The following TULP2 variants were observed in gnomAD, a reference collection of about 807,000 sequenced individuals.
TULP2 encodes TUB like protein 2, also known as tubby-related protein 2.
In TULP2, 64 loss-of-function variants were observed where a neutral mutation model predicts 60.3. That is an observed-to-expected ratio of 1.06 (90% CI 0.87 to 1.31). The LOEUF is 1.31. Among genes scored for constraint, TULP2 ranks in the 50% most tolerant of loss-of-function variants. TULP2 has a pLI of 0.00. For missense variants in TULP2, 652 were observed against 667.0 expected (o/e 0.98, Z 0.25); for synonymous variants, 267 against 265.4 (o/e 1.01, Z -0.06).
chr19:48,895,103 C>CCAGACA lies in TULP2; in HGVS notation c.408_409insTGTCTG (p.Asp136_Ala137insCysLeu). ...TCCACGGAGACTTCCTCCAATTCTG[C>CCAGACA]ATCGGAATTGTCTGGGAGCCAGGAT... On this transcript the variant is annotated inframe_insertion, in exon 6 of 13. Coordinates refer to ENST00000221399, the MANE Select transcript of TULP2 (RefSeq NM_003323.3). 1 of 1,614,098 alleles carries CCAGACA rather than the reference C, an allele frequency of 6.2e-7. No homozygotes were observed. The highest frequency in any genetic ancestry group is 8.5e-7 in the Non-Finnish European group (1 of 1,180,004).
In TULP2 at chr19:48,887,947, C is replaced by T. The variant is rs752393532; in HGVS notation, c.948+3G>A. On this transcript the variant is annotated splice_donor_region_variant and intron_variant, in intron 8 of 12. Transcript: ENST00000221399. The stretch of plus-strand genomic sequence containing the variant: ...CCAAAGCTGTTGGGCTGGCTTACTG[C>T]ACCTGCAGGCTGTCAGAGGTCTCCA... 6.0e-5 allele frequency: 97 copies of T among 1,605,810 alleles called. No homozygotes were observed. The highest frequency in any genetic ancestry group is 8.0e-5 in the Non-Finnish European group (94 of 1,173,530).
At chr19:48,894,788 G>A (rs1377405552) in intron 6 of TULP2, among the ~76,000 whole-genome samples, 3 of 152,136 alleles carry the variant, frequency 2.0e-5, no homozygotes, top group African/African-American at 4.8e-5. Flanking sequence ...TGGCGTCTGC[G>A]GATCTTGGTA....
At chr19:48,887,910 G>A (rs1015034501) in intron 8 of TULP2, 40 bp downstream of exon 8, 2 of 1,580,370 alleles carry the variant, frequency 1.3e-6, no homozygotes, top group Non-Finnish European at 1.7e-6. Context: ...CCTGGGAGGT[G>A]GGGGCTTACT....
chr19:48,888,094 C>T lies in TULP2; in HGVS notation c.804G>A (p.Leu268=). The T allele has an allele frequency of 6.2e-7, 1 of 1,614,198 alleles. No individual in the cohort carries two copies. The highest frequency in any genetic ancestry group is 2.2e-5 in the East Asian group (1 of 44,884). ...GCACGTAGGCTTCCATGTCCTCCTC[C>T]AGCCCAGGGCAGGGGGAGCGGATTG... is the stretch of plus-strand genomic sequence containing the variant. The part of the protein sequence containing the change: ...SLAIRSPCPG[L]EEDMEAYVLR... The change falls in exon 8 of 13, where the codon CTG becomes CTA. Residue 268 remains leucine (L), a synonymous_variant. Transcript: ENST00000221399.
At chr19:48,895,218 T>C in intron 5 of TULP2, 56 bp from the exon 6 acceptor site, 1 of 1,590,176 alleles carries the variant, frequency 6.3e-7, no homozygotes, top group Non-Finnish European at 8.6e-7. Context: ...AGGAGGCGGC[T>C]CAGGACCTGA....
At position 48,883,239 on chromosome 19, in the gene TULP2, A is replaced by G. The variant is rs138839016; in HGVS notation, c.1275+515T>C. ...GTCTCAAAAAAAAAAAAAAAGAAAG[A>G]AAGAGAGAGTCTAAAAGAAGCAGGA... is the stretch of plus-strand genomic sequence containing the variant. On this transcript the variant is annotated intron_variant, in intron 11 of 12. Coordinates refer to ENST00000221399, the MANE Select transcript of TULP2 (RefSeq NM_003323.3). Among the ~76,000 whole-genome samples the G allele has an allele frequency of 4.6e-3, 697 of 151,604 alleles. 5 individuals are homozygous for G. The highest frequency in any genetic ancestry group is 0.016 in the African/African-American group (647 of 41,236).
At chr19:48,886,847 G>A (rs2037183801) in intron 8 of TULP2, among the ~76,000 whole-genome samples, 8 of 151,584 alleles carry the variant, frequency 5.3e-5, no homozygotes. Flanking sequence ...AAGTAGCTGG[G>A]ACTACAGGTG....
At chr19:48,893,852 C>T (rs1249282341) in intron 6 of TULP2, among the ~76,000 whole-genome samples, 1 of 152,062 alleles carries the variant, frequency 6.6e-6, no homozygotes, top group African/African-American at 2.4e-5. Context: ...CCGCGCCCAG[C>T]CATGATGCAG....
In TULP2 at chr19:48,895,148, C is replaced by T. The variant is rs34378208; in HGVS notation, c.364G>A (p.Gly122Ser). Residue 122 changes from glycine (G) to serine (S), a missense_variant, in exon 6 of 13, where the codon GGT becomes AGT. By Grantham distance (56) the Gly-to-Ser change is moderately conservative. Coordinates refer to ENST00000221399, the MANE Select transcript of TULP2 (RefSeq NM_003323.3). The stretch of plus-strand genomic sequence containing the variant: ...CAGGATAAGAAAGGGGACTGGAGAC[C>T]GAGATTCCTGAACACTGAGGAAGGA... ...PRTEAVFRNLGLQSPFLSWLP... is the reference protein window; with the variant it reads ...PRTEAVFRNLSLQSPFLSWLP... 127,247 of 1,613,084 alleles carry T rather than the reference C, an allele frequency of 0.079. 5,553 individuals carry two copies. Among genetic ancestry groups the T allele is most frequent in the South Asian group, 0.12 (10,845 of 90,972 alleles).
intron 6 of TULP2, among the ~76,000 whole-genome samples, chr19:48,891,656 C>T (rs575636324): frequency 5.9e-5 from 9 of 152,168 alleles, no homozygotes; most frequent in African/African-American, 7.2e-5. Flanking sequence ...AAGGTGGAGA[C>T]GAGCGGCTGA....
rs762475870 is a variant in TULP2, at chr19:48,897,371, T to C, written c.58A>G (p.Met20Val). The change falls in exon 3 of 13, where the codon ATG becomes GTG. Residue 20 changes from methionine (M) to valine (V), a missense_variant. Met to Val is a conservative substitution (Grantham distance 21). Coordinates refer to ENST00000221399, the MANE Select transcript of TULP2 (RefSeq NM_003323.3). The surrounding 1 kb of genome is among the most constrained non-coding windows in gnomAD (Gnocchi z 4.0). Reference protein sequence around the residue: ...RDILGHELAAMRLQKLEQQRR... With the variant: ...RDILGHELAAVRLQKLEQQRR... ...TGCTGTTCCAGCTTCTGCAGCCTCA[T>C]AGCAGCGAGCTCATGCCCCAGGATG... is the stretch of plus-strand genomic sequence containing the variant. 6.2e-7 allele frequency: 1 copy of C among 1,613,924 alleles called. No homozygotes were observed. Among genetic ancestry groups the C allele is most frequent in the East Asian group, 2.2e-5 (1 of 44,882 alleles).
In TULP2 at chr19:48,896,532, G is replaced by C; in HGVS notation, c.109C>G (p.Arg37Gly). 6.2e-7 allele frequency: 1 copy of C among 1,602,620 alleles called. No homozygotes were observed. The highest frequency in any genetic ancestry group is 8.5e-7 in the Non-Finnish European group (1 of 1,174,698). The change falls in exon 4 of 13, where the codon CGA becomes GGA. Residue 37 changes from arginine (R) to glycine (G), a missense_variant. Coordinates refer to ENST00000221399, the MANE Select transcript of TULP2 (RefSeq NM_003323.3). Reference sequence around the variant, plus strand: ...ATGAGGAGCTCCTGGCGCTTCTGTCGCTGCTTCTTTTCAAACAGCCGCCGC... The same window carrying C: ...ATGAGGAGCTCCTGGCGCTTCTGTCCCTGCTTCTTTTCAAACAGCCGCCGC... ...QQRRLFEKKQ[R>G]QKRQELLMVQ... is the part of the protein sequence containing the mutation.
At chr19:48,885,876 C>T (rs2123271350) in intron 8 of TULP2, among the ~76,000 whole-genome samples, 1 of 151,996 alleles carries the variant, frequency 6.6e-6, no homozygotes, top group Non-Finnish European at 1.5e-5. Flanking sequence ...TAGACTGAGA[C>T]TCCATCTCAA....
At chr19:48,889,476 T>C (rs1418061913) in intron 7 of TULP2, 34 bp downstream of exon 7, 52 of 1,563,912 alleles carry the variant, frequency 3.3e-5, no homozygotes, top group Non-Finnish European at 4.3e-5. Flanking sequence ...AGCCCTCTTC[T>C]TCCAATATCC....
chr19:48,883,140 G>A (rs537629591), intron 11 of TULP2, among the ~76,000 whole-genome samples: 6 of 151,800 alleles, frequency 4.0e-5, no homozygotes, highest in Admixed American at 1.3e-4. Flanking sequence ...AATGGCGTGA[G>A]CCGGGGAGGT....
intron 6 of TULP2, among the ~76,000 whole-genome samples, chr19:48,890,554 C>A (rs2037223648): frequency 6.6e-6 from 1 of 152,188 alleles, no homozygotes; most frequent in Admixed American, 6.5e-5. Context: ...GTCTCTCGTT[C>A]CACCTAACGA....
At position 48,885,447 on chromosome 19, in the gene TULP2, C is replaced by T. The variant is rs1183014345; in HGVS notation, c.1061+1G>A. On this transcript the variant is annotated splice_donor_variant, in intron 9 of 12. Coordinates refer to ENST00000221399, the MANE Select transcript of TULP2 (RefSeq NM_003323.3). LOFTEE classifies it high-confidence loss of function. ...TCACCACATGTCAGAGCTCTACCCA[C>T]CTGACTTTGCCCACGAAATTGTCCC... is the stretch of plus-strand genomic sequence containing the variant. The T allele has an allele frequency of 1.2e-6, 2 of 1,613,610 alleles. No homozygotes were observed. The highest frequency in any genetic ancestry group is 1.1e-5 in the South Asian group (1 of 91,072).
At chr19:48,893,702 T>C (rs1300367646) in intron 6 of TULP2, among the ~76,000 whole-genome samples, 1 of 152,006 alleles carries the variant, frequency 6.6e-6, no homozygotes, top group East Asian at 1.9e-4. Flanking sequence ...TACAGGTGCA[T>C]GCCACCACGC....
At chr19:48,881,770 G>C (rs2037134715) in intron 12 of TULP2, among the ~76,000 whole-genome samples, 1 of 151,982 alleles carries the variant, frequency 6.6e-6, no homozygotes, top group Non-Finnish European at 1.5e-5. Context: ...CACCCACCTC[G>C]GTCTCCCAAA....
Sources: allele counts gnomAD v4.1 joint callset (sites outside exome capture counted in the v4.1 genomes callset), GRCh38; gene constraint gnomAD v4.1.1; non-coding constraint Gnocchi (gnomAD v3.1); transcripts MANE v1.5; gene names NCBI Gene and HGNC (gene_info 2026-07-23, HGNC 2026-07-21).